SEC23IP: variants seen among roughly 807,000 people sequenced by gnomAD.
The protein encoded by SEC23IP is SEC23-interacting protein.
A neutral mutation model predicts 113.4 loss-of-function variants in SEC23IP; 70 were observed. The ratio of observed to expected loss-of-function variants is 0.62; its 90% CI spans 0.51 to 0.75. SEC23IP has a LOEUF of 0.75. SEC23IP is among the 30% of genes least tolerant of loss of function. SEC23IP has a pLI of 0.00. For synonymous variants in SEC23IP, 398 were observed against 421.0 expected, an observed-to-expected ratio of 0.95 and a Z score of 0.67; for missense variants, 1,160 against 1,204.9, an observed-to-expected ratio of 0.96 and a Z score of 0.55.
At chr10:119,929,925 A>G (rs1855540861) in intron 14 of SEC23IP, among the ~76,000 whole-genome samples, 163 bp downstream of exon 14, 1 of 152,234 alleles carries the variant, frequency 6.6e-6, no homozygotes, top group African/African-American at 2.4e-5. Flanking sequence ...CTAGGATTAT[A>G]GGCGTGAGCC....
chr10:119,940,696 C>T lies in SEC23IP; in HGVS notation c.*131C>T, dbSNP rs1855939393. ...GGATGACAGAAGAGTGATTCATTAA[C>T]AATTGCTCAGCCACAATTCTCGGAT... On this transcript the variant is annotated 3_prime_UTR_variant, in exon 19 of 19. Coordinates refer to ENST00000369075, the MANE Select transcript of SEC23IP (RefSeq NM_007190.4). 1 of 151,768 alleles carries T rather than the reference C, an allele frequency of 6.6e-6. No homozygotes were observed. The highest frequency in any genetic ancestry group is 1.5e-5 in the Non-Finnish European group (1 of 67,994). 9.4% of individuals were successfully genotyped at this position (151,768 alleles called of 1,614,324 possible).
At chr10:119,916,801 A>T (rs895788271) in intron 8 of SEC23IP, among the ~76,000 whole-genome samples, 2 of 152,340 alleles carry the variant, frequency 1.3e-5, no homozygotes, top group South Asian at 4.1e-4. Flanking sequence ...TATGACTTAT[A>T]TAGCAACTAA....
chr10:119,933,824 G>C, intron 18 of SEC23IP, 37 bp downstream of exon 18: 1 of 1,049,460 alleles, frequency 9.5e-7, no homozygotes, highest in Non-Finnish European at 1.5e-6. Context: ...AATTCTGAAT[G>C]TTTGCATTCT....
chr10:119,922,213 G>A (rs561167940), intron 12 of SEC23IP, among the ~76,000 whole-genome samples: 1 of 152,226 alleles, frequency 6.6e-6, no homozygotes, highest in Non-Finnish European at 1.5e-5. Context: ...ACTTCTCCAA[G>A]GTGATGGTGC....
In SEC23IP at chr10:119,919,444, A is replaced by AT; in HGVS notation, c.1874dup (p.Met625IlefsTer3). ...GTTTTTCATACTTTTTTTTTTAAAGATGCCTGAAGAGCCAAAGCTGACTTT... is the reference window on the plus strand; with the variant it reads ...GTTTTTCATACTTTTTTTTTTAAAGATTGCCTGAAGAGCCAAAGCTGACTTT... On this transcript the variant is annotated frameshift_variant and splice_region_variant, in exon 11 of 19. Transcript: ENST00000369075. LOFTEE classifies it high-confidence loss of function. The AT allele has an allele frequency of 6.3e-7, 1 of 1,580,076 alleles. No homozygotes were observed.
chr10:119,918,976 A>G (rs1016529160), intron 10 of SEC23IP, among the ~76,000 whole-genome samples: 7 of 147,164 alleles, frequency 4.8e-5, no homozygotes, highest in African/African-American at 1.5e-4. Flanking sequence ...TTAAATTTAT[A>G]TACTTTTCAG....
chr10:119,929,810 T>C (rs763054392), intron 14 of SEC23IP, 48 bp downstream of exon 14: 2 of 1,417,714 alleles, frequency 1.4e-6, no homozygotes, highest in Middle Eastern at 1.8e-4. Flanking sequence ...TTTTCTTTTT[T>C]AAACATTTTT....
At chr10:119,902,176 G>T (rs1184284858) in intron 2 of SEC23IP, among the ~76,000 whole-genome samples, 1 of 152,076 alleles carries the variant, frequency 6.6e-6, no homozygotes, top group African/African-American at 2.4e-5. Flanking sequence ...GACCAACCTG[G>T]AGAAACCCTG....
Position 119,930,377 on chromosome 10 carries a change from G to T in SEC23IP, c.2518G>T (p.Asp840Tyr). The T allele has an allele frequency of 6.2e-7, 1 of 1,611,910 alleles. No individual in the cohort carries two copies. Residue 840 changes from aspartate (D) to tyrosine (Y), a missense_variant, in exon 15 of 19, where the codon GAC becomes TAC. Physicochemically the swap from Asp to Tyr is radical, Grantham distance 160 (BLOSUM62 -3). Transcript: ENST00000369075. ...RLEPMIVPDL[D>Y]LKAVLIPHHK... ...AGAACCTATGATTGTTCCAGATTTGGACCTAAAAGCTGTTCTCATTCCACA... is the reference window on the plus strand; with the variant it reads ...AGAACCTATGATTGTTCCAGATTTGTACCTAAAAGCTGTTCTCATTCCACA...
chr10:119,898,226 C>G (rs1001255161), intron 1 of SEC23IP: 8 of 959,194 alleles, frequency 8.3e-6, no homozygotes, highest in African/African-American at 1.7e-5. Flanking sequence ...CTTATGTTTT[C>G]TTATTCATGT....
chr10:119,915,934 A>C, intron 8 of SEC23IP, 45 bp downstream of exon 8: 2 of 1,403,838 alleles, frequency 1.4e-6, no homozygotes, highest in Non-Finnish European at 1.9e-6. Context: ...GTCATATTTA[A>C]ATTTAAGATT....
intron 18 of SEC23IP, among the ~76,000 whole-genome samples, chr10:119,935,996 G>A (rs1312315507): frequency 6.6e-6 from 1 of 152,214 alleles, no homozygotes; most frequent in East Asian, 1.9e-4. Context: ...AGTCCCTACT[G>A]ATGGGCATTG....
chr10:119,914,098 T>C (rs897839389), intron 6 of SEC23IP, among the ~76,000 whole-genome samples: 5 of 152,164 alleles, frequency 3.3e-5, no homozygotes, highest in Non-Finnish European at 7.3e-5. Context: ...AGGCGGAGGT[T>C]GCAGTGAGCC....
At chr10:119,927,966 C>T (rs1422998767) in intron 13 of SEC23IP, among the ~76,000 whole-genome samples, 1 of 152,206 alleles carries the variant, frequency 6.6e-6, no homozygotes, top group East Asian at 1.9e-4. Context: ...CCTGTTTCCT[C>T]TGTCCATTGC....
chr10:119,912,168 T>C lies in SEC23IP; in HGVS notation c.1312+4T>C. 1.2e-6 allele frequency: 2 copies of C among 1,613,844 alleles called. No individual in the cohort carries two copies. The highest frequency in any genetic ancestry group is 1.7e-6 in the Non-Finnish European group (2 of 1,179,834). ...AACCTTGATGAAATTCCCGACGGTG[T>C]GTATAGTTTGTTTAGAACTGAGGTC... On this transcript the variant is annotated splice_donor_region_variant and intron_variant, in intron 6 of 18. Coordinates refer to ENST00000369075, the MANE Select transcript of SEC23IP (RefSeq NM_007190.4).
intron 7 of SEC23IP, 95 bp from the exon 8 acceptor site, chr10:119,915,653 T>C: frequency 1.2e-6 from 1 of 857,830 alleles, no homozygotes; most frequent in Non-Finnish European, 1.6e-6. Context: ...TATCTTTATG[T>C]TATTAAAAAT....
intron 18 of SEC23IP, among the ~76,000 whole-genome samples, chr10:119,939,033 G>C (rs1475242211): frequency 1.3e-5 from 2 of 152,152 alleles, no homozygotes; most frequent in Non-Finnish European, 2.9e-5. Flanking sequence ...AAATTGGCCA[G>C]GTGTGGTGGC....
In SEC23IP at chr10:119,917,708, C is replaced by T. The variant is rs1855098973; in HGVS notation, c.1545-128C>T. The T allele has an allele frequency of 6.0e-6, 4 of 667,788 alleles. No individual in the cohort carries two copies. In the South Asian group the frequency reaches 7.8e-5, roughly 13 times the overall value. 41.4% of individuals were successfully genotyped at this position (667,788 alleles called of 1,614,324 possible). On this transcript the variant is annotated intron_variant, in intron 8 of 18. Transcript: ENST00000369075. ...TTGATTTATTTATAATGACTATCTA[C>T]AGAAACAACTCATAGTCTGTGGGGT...
intron 7 of SEC23IP, among the ~76,000 whole-genome samples, chr10:119,915,462 C>T (rs1336822571): frequency 6.6e-6 from 1 of 152,090 alleles, no homozygotes; most frequent in Non-Finnish European, 1.5e-5. Context: ...AGTGTGATTC[C>T]AGAGCCTTTC....
Sources: allele counts gnomAD v4.1 joint callset (sites outside exome capture counted in the v4.1 genomes callset), GRCh38; gene constraint gnomAD v4.1.1; transcripts MANE v1.5; gene names NCBI Gene and HGNC (gene_info 2026-07-23, HGNC 2026-07-21).